ABL2: variants seen among roughly 807,000 people sequenced by gnomAD.
ABL2 encodes the protein tyrosine-protein kinase ABL2.
A neutral mutation model predicts 107.7 loss-of-function variants in ABL2; 49 were observed. The observed-to-expected ratio is 0.45, with a 90% CI of 0.36 to 0.58. ABL2 has a LOEUF of 0.58. Among genes scored for constraint, ABL2 ranks in the 20% least tolerant of loss-of-function variants. The pLI is 0.00. For missense variants in ABL2, 1,245 were observed against 1,457.0 expected, an observed-to-expected ratio of 0.85 and a Z score of 2.37; for synonymous variants, 549 against 548.6, an observed-to-expected ratio of 1.00 and a Z score of -0.01.
intron 1 of ABL2, among the ~76,000 whole-genome samples, chr1:179,143,595 T>C (rs867766897): frequency 6.6e-6 from 1 of 152,238 alleles, no homozygotes; most frequent in Non-Finnish European, 1.5e-5. Context: ...ATAACTGCCT[T>C]TGCTAACAAT....
Position 179,126,791 on chromosome 1 carries a change from C to T in ABL2, c.392-119G>A. Reference sequence around the variant, plus strand: ...AAAAAAAGAATCTAGAACTTTTATGCCAAATTTTTTTTTTAAATAATGAAA... The same window carrying T: ...AAAAAAAGAATCTAGAACTTTTATGTCAAATTTTTTTTTTAAATAATGAAA... On this transcript the variant is annotated intron_variant, in intron 3 of 11. Coordinates refer to ENST00000502732, the MANE Select transcript of ABL2 (RefSeq NM_007314.4). This position sits in a 1 kb window ranked among gnomAD's most constrained non-coding sequence, Gnocchi z 4.4. 8.9e-7 allele frequency: 1 copy of T among 1,129,322 alleles called. No homozygotes were observed. Among genetic ancestry groups the T allele is most frequent in the Non-Finnish European group, 1.2e-6 (1 of 822,472 alleles). The allele number at this position is 1,129,322 out of a possible 1,614,324, so 70.0% of individuals were successfully genotyped here.
chr1:179,131,549 T>A, intron 2 of ABL2, 68 bp from the exon 3 acceptor site: 1 of 1,495,884 alleles, frequency 6.7e-7, no homozygotes, highest in Non-Finnish European at 9.3e-7. Context: ...TTGAATTCAT[T>A]ATATACACAG....
At chr1:179,224,602 G>A (rs913907955) in intron 1 of ABL2, among the ~76,000 whole-genome samples, 2 of 151,714 alleles carry the variant, frequency 1.3e-5, no homozygotes, top group African/African-American at 4.8e-5. Flanking sequence ...TTTAGAAAAT[G>A]AGAGAGGGAA....
intron 1 of ABL2, chr1:179,201,402 G>A (rs1055748460): frequency 6.5e-6 from 1 of 154,298 alleles, no homozygotes; most frequent in African/African-American, 2.4e-5. Context: ...AAATATGGTG[G>A]ATACATTATG....
At chr1:179,188,695 A>T (rs1660826753) in intron 1 of ABL2, among the ~76,000 whole-genome samples, 1 of 152,204 alleles carries the variant, frequency 6.6e-6, no homozygotes, top group Admixed American at 6.5e-5. Flanking sequence ...AATTTCCAAG[A>T]AGGCTGTGAT....
chr1:179,201,918 C>T (rs1280540843), intron 1 of ABL2: 2 of 1,279,926 alleles, frequency 1.6e-6, no homozygotes, highest in African/African-American at 3.1e-5. Flanking sequence ...TGTTGCCGAC[C>T]TCATCTGAGG....
chr1:179,183,274 T>A (rs1660485755), intron 1 of ABL2, among the ~76,000 whole-genome samples: 1 of 152,056 alleles, frequency 6.6e-6, no homozygotes, highest in South Asian at 2.1e-4. Flanking sequence ...TGCGTACAAC[T>A]TACATTATTC....
intron 1 of ABL2, among the ~76,000 whole-genome samples, chr1:179,176,061 G>A (rs141784504): frequency 1.5e-3 from 221 of 151,868 alleles, no homozygotes; most frequent in African/African-American, 5.2e-3. Context: ...TCACCATGTT[G>A]GCCAGGCTAG....
chr1:179,187,833 C>T (rs73044747), intron 1 of ABL2, among the ~76,000 whole-genome samples: 14,351 of 149,454 alleles, frequency 0.096, 708 homozygotes, highest in African/African-American at 0.12. Context: ...TCTCTGCTTT[C>T]ACCCTTGTCC....
chr1:179,132,746 T>C (rs1233257554), intron 2 of ABL2, among the ~76,000 whole-genome samples: 3 of 151,986 alleles, frequency 2.0e-5, no homozygotes, highest in Non-Finnish European at 1.5e-5. Flanking sequence ...TTTACCATGT[T>C]GGCCAGGTTG....
At chr1:179,229,210 C>CCCCCCCCCCCCCAGG in intron 1 of ABL2, 31 bp downstream of exon 1, 1 of 1,489,010 alleles carries the variant, frequency 6.7e-7, no homozygotes, top group South Asian at 1.3e-5. Flanking sequence ...GCCTCCCCCA[C>CCCCCCCCCCCCCAGG]GCTCTCATGC....
In ABL2 at chr1:179,179,725, G is replaced by C. The variant is rs1557978774; in HGVS notation, c.158-46351C>G. On this transcript the variant is annotated intron_variant, in intron 1 of 11. Coordinates refer to ENST00000502732, the MANE Select transcript of ABL2 (RefSeq NM_007314.4). ...GGCCTGAGTCTTAAAGGAAACTCAA[G>C]AGTTAGCCACTGAATAAAAGCAAGT... 2.6e-5 allele frequency among the ~76,000 whole-genome samples: 4 copies of C among 152,150 alleles called. No individual in the cohort carries two copies. In the South Asian group the frequency reaches 8.3e-4, roughly 31 times the overall value.
Position 179,104,499 on chromosome 1 carries a change from C to A in ABL2, c.*3219G>T, listed in dbSNP as rs538212216. 1 of 211,624 alleles carries A rather than the reference C, an allele frequency of 4.7e-6. No individual in the cohort carries two copies. The highest frequency in any genetic ancestry group is 7.1e-5 in the East Asian group (1 of 14,020). The allele number at this position is 211,624 out of a possible 1,614,324, so 13.1% of individuals were successfully genotyped here. A position where few individuals can be genotyped will look rare whatever the true frequency, so the allele number is the denominator to read the frequency against. On this transcript the variant is annotated 3_prime_UTR_variant, in exon 12 of 12. Coordinates refer to ENST00000502732, the MANE Select transcript of ABL2 (RefSeq NM_007314.4). ...TCTTAAAATGCTGCTGGTAAAGGGT[C>A]TCCACTATAATGACCTCTATGTACA... is the stretch of plus-strand genomic sequence containing the variant.
intron 1 of ABL2, among the ~76,000 whole-genome samples, chr1:179,210,312 C>T (rs963193678): frequency 1.3e-5 from 2 of 151,790 alleles, no homozygotes; most frequent in African/African-American, 4.8e-5. Context: ...TTGAGACCAT[C>T]CTGGCTAACA....
chr1:179,129,963 G>A (rs567043963), intron 3 of ABL2, among the ~76,000 whole-genome samples: 8 of 152,004 alleles, frequency 5.3e-5, no homozygotes, highest in Admixed American at 1.3e-4. Context: ...TTTAAGAGAC[G>A]GCATCTCACT....
intron 1 of ABL2, 31 bp downstream of exon 1, chr1:179,229,210 C>CCCCCCCCCCCCCAGCAGGGG: frequency 6.7e-7 from 1 of 1,489,018 alleles, no homozygotes; most frequent in East Asian, 2.8e-5. Flanking sequence ...GCCTCCCCCA[C>CCCCCCCCCCCCCAGCAGGGG]GCTCTCATGC....
chr1:179,196,851 T>C (rs906564488), intron 1 of ABL2, among the ~76,000 whole-genome samples: 14 of 151,502 alleles, frequency 9.2e-5, no homozygotes, highest in African/African-American at 3.1e-4. Context: ...TTATGTTACA[T>C]GTATTTTACC....
rs530286418 is a variant in ABL2 at position 179,112,302 on chromosome 1, T to C, written c.1651+7A>G. On this transcript the variant is annotated splice_region_variant and intron_variant, in intron 10 of 11. Coordinates refer to ENST00000502732, the MANE Select transcript of ABL2 (RefSeq NM_007314.4). Reference sequence around the variant, plus strand: ...AGTCACCAACAGTAAATCCAACAGATTCTCACCTTCAGAAATGCTGGAGTC... The same window carrying C: ...AGTCACCAACAGTAAATCCAACAGACTCTCACCTTCAGAAATGCTGGAGTC... 8.1e-6 allele frequency: 13 copies of C among 1,610,648 alleles called. 1 individual carries two copies. In the South Asian group the frequency reaches 1.4e-4, roughly 18 times the overall value.
chr1:179,228,189 A>C (rs1663336592), intron 1 of ABL2, among the ~76,000 whole-genome samples: 1 of 150,940 alleles, frequency 6.6e-6, no homozygotes, highest in East Asian at 1.9e-4. Context: ...ACCACCAAAA[A>C]TACAAAAATT....
Sources: gnomAD v4.1 joint callset for allele counts (sites outside exome capture counted in the v4.1 genomes callset) on GRCh38, gnomAD v4.1.1 for gene constraint, Gnocchi (gnomAD v3.1) non-coding constraint, MANE v1.5 for transcripts, NCBI Gene and HGNC (gene_info 2026-07-23, HGNC 2026-07-21) for gene names.